KIAA1549: variants seen among roughly 807,000 people sequenced by gnomAD.
KIAA1549 encodes the protein KIAA1549.
In KIAA1549, 70 loss-of-function variants were observed where a neutral mutation model predicts 156.4. The observed-to-expected ratio is 0.45, with a 90% CI of 0.37 to 0.55. The LOEUF (loss-of-function observed/expected upper bound fraction) is 0.55, where lower values mean the gene tolerates loss of function less well. Among genes scored for constraint, KIAA1549 ranks in the 20% least tolerant of loss-of-function variants. The pLI is 0.00. For missense variants in KIAA1549, 2,428 were observed against 2,540.9 expected (o/e 0.96, Z 0.96); for synonymous variants, 1,103 against 1,066.4 (o/e 1.03, Z -0.67).
chr7:138,969,294 C>T lies in KIAA1549; in HGVS notation c.187+11789G>A, dbSNP rs1247301002. On this transcript the variant is annotated intron_variant, in intron 1 of 19. Coordinates refer to ENST00000422774, the MANE Select transcript of KIAA1549 (RefSeq NM_001164665.2). ...CATTAAACAAAAACTTTCCATTCCC[C>T]CCTCCTCCCAGGCCCTTGCCATCCT... Among the ~76,000 whole-genome samples, 5 of 152,296 alleles carry T rather than the reference C, an allele frequency of 3.3e-5. No individual in the cohort carries two copies. In the South Asian group the frequency reaches 6.2e-4, roughly 19 times the overall value.
intron 1 of KIAA1549, among the ~76,000 whole-genome samples, chr7:138,948,056 C>A (rs541925146): frequency 6.6e-6 from 1 of 152,176 alleles, no homozygotes; most frequent in Non-Finnish European, 1.5e-5. Flanking sequence ...AGCCACTGCA[C>A]CCGGCCTCAG....
At chr7:138,873,260 C>T (rs903424139) in intron 12 of KIAA1549, among the ~76,000 whole-genome samples, 1 of 152,184 alleles carries the variant, frequency 6.6e-6, no homozygotes, top group Non-Finnish European at 1.5e-5. Flanking sequence ...TGATGTCTGT[C>T]TGAGCCAGAG....
Position 138,889,123 on chromosome 7 carries a change from A to C in KIAA1549, c.4032+5219T>G, listed in dbSNP as rs61404233. 9.4e-3 allele frequency among the ~76,000 whole-genome samples: 1,425 copies of C among 152,334 alleles called. 19 individuals carry two copies. Among genetic ancestry groups the C allele is most frequent in the African/African-American group, 0.032 (1,332 of 41,570 alleles). On this transcript the variant is annotated intron_variant, in intron 10 of 19. Coordinates refer to ENST00000422774, the MANE Select transcript of KIAA1549 (RefSeq NM_001164665.2). ...TCCCATTAAGAAAGTGAATGCCTCT[A>C]ATGACTGGGCAACTGTTTTGTTTTG...
rs375009657 is a variant in KIAA1549, at chr7:138,917,644, T to C, written c.1982A>G (p.Gln661Arg). Residue 661 changes from glutamine to arginine, a missense_variant, in exon 2 of 20, where the codon CAG (glutamine) becomes CGG (arginine). Gln to Arg is a conservative substitution (Grantham distance 43). Coordinates refer to ENST00000422774, the MANE Select transcript of KIAA1549 (RefSeq NM_001164665.2). ...TGTCTCAACCAAGGGAGAAAAAGAC[T>C]GAGATGTGAAGGGGGACAAGTCACT... ...MPSDLSPFTSQSFSPLVETFT... is the reference protein window; with the variant it reads ...MPSDLSPFTSRSFSPLVETFT... 1.2e-6 allele frequency: 2 copies of C among 1,613,366 alleles called. No individual in the cohort carries two copies. Among genetic ancestry groups the C allele is most frequent in the Non-Finnish European group, 1.7e-6 (2 of 1,179,632 alleles).
At chr7:138,980,852 A>T (rs80051154) in intron 1 of KIAA1549, among the ~76,000 whole-genome samples, 7,300 of 152,204 alleles carry the variant, frequency 0.048, 199 homozygotes, top group Middle Eastern at 0.078. Context: ...AGCTTTGCAG[A>T]CCCCTTAGCA....
At chr7:138,955,945 G>A (rs1361103808) in intron 1 of KIAA1549, among the ~76,000 whole-genome samples, 1 of 152,182 alleles carries the variant, frequency 6.6e-6, no homozygotes, top group South Asian at 2.1e-4. Flanking sequence ...CCAGGCTGGA[G>A]TGCAGTGGTG....
intron 1 of KIAA1549, among the ~76,000 whole-genome samples, chr7:138,931,849 G>A (rs373326238): frequency 6.6e-6 from 1 of 151,600 alleles, no homozygotes; most frequent in Non-Finnish European, 1.5e-5. Flanking sequence ...TATATTTTAA[G>A]ATGGAAGATT....
chr7:138,937,761 G>T (rs112544150), intron 1 of KIAA1549, among the ~76,000 whole-genome samples: 2,044 of 152,318 alleles, frequency 0.013, 48 homozygotes, highest in African/African-American at 0.046. Flanking sequence ...CACATGGACG[G>T]TGAGGAGCCA....
At chr7:138,916,543 TA>T (rs1812324967) in intron 2 of KIAA1549, among the ~76,000 whole-genome samples, 1 of 152,190 alleles carries the variant, frequency 6.6e-6, no homozygotes, top group African/African-American at 2.4e-5. Flanking sequence ...GCTCCTTGTT[TA>T]ATGGGTGAGG....
At chr7:138,954,403 G>A (rs1254517921) in intron 1 of KIAA1549, among the ~76,000 whole-genome samples, 1 of 152,084 alleles carries the variant, frequency 6.6e-6, no homozygotes, top group African/African-American at 2.4e-5. Flanking sequence ...AGATTGGGTG[G>A]GTACTGGGGT....
At chr7:138,973,146 T>C (rs1814269432) in intron 1 of KIAA1549, among the ~76,000 whole-genome samples, 1 of 152,160 alleles carries the variant, frequency 6.6e-6, no homozygotes, top group South Asian at 2.1e-4. Context: ...TTACTGACTC[T>C]TGAAGCCTAC....
Position 138,844,416 on chromosome 7 carries a change from G to C in KIAA1549, c.5353C>G (p.Gln1785Glu), listed in dbSNP as rs772102879. ...STELVPPDPQ[Q>E]PQASAEAPFA... ...GGGGCTTCGGCGGAGGCCTGTGGCT[G>C]CTGAGGGTCAGGGGGCACCAGCTCT... is the stretch of plus-strand genomic sequence containing the variant. The change falls in exon 18 of 20, where the codon CAG (glutamine) becomes GAG (glutamate). Residue 1785 changes from glutamine to glutamate, a missense_variant. By Grantham distance (29) the Gln-to-Glu change is conservative (BLOSUM62 2). Coordinates refer to ENST00000422774, the MANE Select transcript of KIAA1549 (RefSeq NM_001164665.2). The C allele has an allele frequency of 9.4e-6, 15 of 1,598,918 alleles. No homozygotes were observed. Among genetic ancestry groups the C allele is most frequent in the Non-Finnish European group, 1.3e-5 (15 of 1,172,576 alleles).
At chr7:138,920,144 ATTCTCACCCCC>A (rs1812518279) in intron 1 of KIAA1549, among the ~76,000 whole-genome samples, 2 of 44,684 alleles carry the variant, frequency 4.5e-5, no homozygotes, top group Non-Finnish European at 7.5e-5. Flanking sequence ...GGCTGTGCAC[ATTCTCACCCCC>A]GCCTGGAATG....
chr7:138,928,049 T>G (rs1224229673), intron 1 of KIAA1549, among the ~76,000 whole-genome samples: 1 of 150,982 alleles, frequency 6.6e-6, no homozygotes, highest in Non-Finnish European at 1.5e-5. Flanking sequence ...GCCTCCCGAG[T>G]AGCTGGGACT....
chr7:138,930,938 C>T (rs1033558066), intron 1 of KIAA1549, among the ~76,000 whole-genome samples: 1 of 152,164 alleles, frequency 6.6e-6, no homozygotes, highest in Non-Finnish European at 1.5e-5. Context: ...CTTTTGACTG[C>T]AAGTGAGAGA....
At chr7:138,978,439 G>A (rs752005543) in intron 1 of KIAA1549, among the ~76,000 whole-genome samples, 1 of 152,110 alleles carries the variant, frequency 6.6e-6, no homozygotes, top group Non-Finnish European at 1.5e-5. Flanking sequence ...AGCATTACAA[G>A]TTGTTTCCAC....
intron 8 of KIAA1549, 140 bp downstream of exon 8, chr7:138,903,448 G>T: frequency 1.2e-6 from 1 of 835,894 alleles, no homozygotes; most frequent in Non-Finnish European, 1.8e-6. Context: ...ACCCAATATA[G>T]CGATCAGTGG....
At chr7:138,871,438 T>C (rs946619379) in intron 12 of KIAA1549, 76 bp from the exon 13 acceptor site, 1 of 1,309,436 alleles carries the variant, frequency 7.6e-7, no homozygotes, top group East Asian at 2.5e-5. Flanking sequence ...TTGTGAATTA[T>C]TCTTTAAAGA....
chr7:138,898,867 G>A lies in KIAA1549; in HGVS notation c.3847+88C>T, dbSNP rs930765221. ...ATCAGGGTTATACACACATCGGAAT[G>A]CTTTACATTCAGAGCTCACTGTCAG... On this transcript the variant is annotated intron_variant, in intron 9 of 19. Transcript: ENST00000422774. The A allele has an allele frequency of 5.2e-6, 6 of 1,154,002 alleles. No homozygotes were observed. The South Asian group carries it at 6.3e-5, about 12-fold the overall frequency. The allele number at this position is 1,154,002 out of a possible 1,614,324, so 71.5% of individuals were successfully genotyped here.
Sources: gnomAD v4.1 joint callset for allele counts (sites outside exome capture counted in the v4.1 genomes callset) on GRCh38, gnomAD v4.1.1 for gene constraint, MANE v1.5 for transcripts, NCBI Gene and HGNC (gene_info 2026-07-23, HGNC 2026-07-21) for gene names.